TMEM161A: variants seen among roughly 807,000 people sequenced by gnomAD.
TMEM161A encodes the protein transmembrane protein 161A.
A neutral mutation model predicts 57.1 loss-of-function variants in TMEM161A; 46 were observed. That is an observed-to-expected ratio of 0.81 (90% CI 0.64 to 1.03). The LOEUF (loss-of-function observed/expected upper bound fraction) is 1.03, where lower values mean the gene tolerates loss of function less well. Among genes scored for constraint, TMEM161A ranks in the 50% least tolerant of loss-of-function variants. TMEM161A has a pLI of 0.00. For synonymous variants in TMEM161A, 288 were observed against 279.0 expected (o/e 1.03, Z -0.32); for missense variants, 601 against 621.5 (o/e 0.97, Z 0.35).
chr19:19,133,067 G>T, intron 3 of TMEM161A, 63 bp downstream of exon 3: 2 of 1,504,404 alleles, frequency 1.3e-6, no homozygotes, highest in Non-Finnish European at 1.8e-6. Context: ...CTGAGCAGGG[G>T]TGAGGCCGTT....
chr19:19,137,916 C>T (rs1010219181), intron 1 of TMEM161A, among the ~76,000 whole-genome samples: 2 of 152,188 alleles, frequency 1.3e-5, no homozygotes, highest in African/African-American at 2.4e-5. Flanking sequence ...GAGAACCTTG[C>T]CCGCCCTGAG....
rs538926608 is a variant in TMEM161A, at chr19:19,125,389, C to T, written c.596-3570G>A. Among the ~76,000 whole-genome samples the T allele has an allele frequency of 4.9e-4, 75 of 152,166 alleles. 1 individual carries two copies. The highest frequency in any genetic ancestry group is 1.6e-4 in the Non-Finnish European group (11 of 68,004). Reference sequence around the variant, plus strand: ...TTTTAAGATGGAGTCTTGCTCTTGTCGCCCAGGCTAGAGTGCAATGGCGTG... The same window carrying T: ...TTTTAAGATGGAGTCTTGCTCTTGTTGCCCAGGCTAGAGTGCAATGGCGTG... On this transcript the variant is annotated intron_variant, in intron 6 of 11. Coordinates refer to ENST00000162044, the MANE Select transcript of TMEM161A (RefSeq NM_017814.3).
At chr19:19,125,619 C>T (rs1452091168) in intron 6 of TMEM161A, among the ~76,000 whole-genome samples, 1 of 150,958 alleles carries the variant, frequency 6.6e-6, no homozygotes, top group Non-Finnish European at 1.5e-5. Flanking sequence ...CGGGTTCACG[C>T]CATTCTCCTG....
Position 19,121,327 on chromosome 19 carries a change from CA to C in TMEM161A, c.894del (p.Phe298LeufsTer32), listed in dbSNP as rs1568533222. The C allele has an allele frequency of 1.9e-6, 3 of 1,573,624 alleles. No individual in the cohort carries two copies. The highest frequency in any genetic ancestry group is 2.6e-6 in the Non-Finnish European group (3 of 1,159,994). On this transcript the variant is annotated frameshift_variant, in exon 9 of 12. Coordinates refer to ENST00000162044, the MANE Select transcript of TMEM161A (RefSeq NM_017814.3). LOFTEE classifies it high-confidence loss of function. This position sits in a 1 kb window ranked among gnomAD's most constrained non-coding sequence, Gnocchi z 5.8. ...ACGCACAGGGAGAAACGCGTCTCCC[CA>C]AACGGCGGCTGGTGCAGGAAGTCCC... ...IARDFLHQPP[F>X]GETRFSLLSD...
intron 6 of TMEM161A, among the ~76,000 whole-genome samples, chr19:19,128,228 CTTTTT>C (rs531458159): frequency 8.3e-6 from 1 of 120,764 alleles, no homozygotes; most frequent in Non-Finnish European, 1.7e-5. Context: ...TCTAAATAGA[CTTTTT>C]TTTTTTTTTT....
At position 19,132,363 on chromosome 19, in the gene TMEM161A, C is replaced by A; in HGVS notation, c.432G>T (p.Val144=). 6.2e-7 allele frequency: 1 copy of A among 1,612,900 alleles called. No homozygotes were observed. The highest frequency in any genetic ancestry group is 1.1e-5 in the South Asian group (1 of 90,910). ...GAGAGGAAGGATACATGGAGAAGGT[C>A]ACCGTGAGCAGGCACCAGAACACAG... is the stretch of plus-strand genomic sequence containing the variant. ...NIAVFWCLLT[V]TFSIKMFLTV... The change falls in exon 5 of 12, where the codon GTG becomes GTT. Residue 144 remains valine, a synonymous_variant. Coordinates refer to ENST00000162044, the MANE Select transcript of TMEM161A (RefSeq NM_017814.3). This position sits in a 1 kb window ranked among gnomAD's most constrained non-coding sequence, Gnocchi z 4.3.
In TMEM161A at chr19:19,121,473, G is replaced by A. The variant is rs2059910143; in HGVS notation, c.800+52C>T. ...AGGCCTGGGTACCCCCTCTCCTCGA[G>A]TCTCTCCCTTAAGCTCCCTAGTCCC... On this transcript the variant is annotated intron_variant, in intron 8 of 11. Transcript: ENST00000162044. The surrounding 1 kb of genome is among the most constrained non-coding windows in gnomAD (Gnocchi z 5.8). 1 of 1,613,572 alleles carries A rather than the reference G, an allele frequency of 6.2e-7. No individual in the cohort carries two copies. The highest frequency in any genetic ancestry group is 1.7e-5 in the Admixed American group (1 of 59,992).
In TMEM161A at chr19:19,132,947, A is replaced by C. The variant is rs563839157; in HGVS notation, c.188+183T>G. 6.5e-4 allele frequency: 460 copies of C among 709,598 alleles called. 5 individuals carry two copies. The South Asian group carries it at 8.6e-3, about 13-fold the overall frequency. 44.0% of individuals were successfully genotyped at this position (709,598 alleles called of 1,614,324 possible). A position where few individuals can be genotyped will look rare whatever the true frequency, so the allele number is the denominator to read the frequency against. On this transcript the variant is annotated intron_variant, in intron 3 of 11. Transcript: ENST00000162044. The surrounding 1 kb of genome is among the most constrained non-coding windows in gnomAD (Gnocchi z 4.3). ...AGCAAACTGCCAGGAAACAGATGCT[A>C]ACTTGACAGTGACCATCTCCTTGGA...
chr19:19,126,589 C>G (rs537736341), intron 6 of TMEM161A, among the ~76,000 whole-genome samples: 5 of 152,192 alleles, frequency 3.3e-5, no homozygotes, highest in African/African-American at 1.2e-4. Context: ...CTGGGTGTAG[C>G]CAGATGTGGT....
intron 6 of TMEM161A, among the ~76,000 whole-genome samples, chr19:19,125,420 G>A (rs1191326607): frequency 2.6e-5 from 4 of 151,862 alleles, no homozygotes; most frequent in South Asian, 4.2e-4. Context: ...GCGTGATTTC[G>A]GCTCACTGCA....
chr19:19,129,412 C>T (rs564901252), intron 6 of TMEM161A, among the ~76,000 whole-genome samples: 9 of 151,872 alleles, frequency 5.9e-5, no homozygotes, highest in South Asian at 2.1e-4. Context: ...AGTGTGGTGC[C>T]GGGCAGAGAA....
In TMEM161A at chr19:19,121,715, G is replaced by T; in HGVS notation, c.656+44C>A. On this transcript the variant is annotated intron_variant, in intron 7 of 11. Coordinates refer to ENST00000162044, the MANE Select transcript of TMEM161A (RefSeq NM_017814.3). This position sits in a 1 kb window ranked among gnomAD's most constrained non-coding sequence, Gnocchi z 5.8. Reference sequence around the variant, plus strand: ...AGCCTGCCTGGGGGACCCTGGGAGGGTCCCAGCCTGCCCTTGCCTCCCTCC... The same window carrying T: ...AGCCTGCCTGGGGGACCCTGGGAGGTTCCCAGCCTGCCCTTGCCTCCCTCC... The T allele has an allele frequency of 6.2e-7, 1 of 1,613,342 alleles. No homozygotes were observed. Among genetic ancestry groups the T allele is most frequent in the Non-Finnish European group, 8.5e-7 (1 of 1,179,500 alleles).
chr19:19,132,310 C>T lies in TMEM161A; in HGVS notation c.443+42G>A, dbSNP rs2059962683. 5.1e-6 allele frequency: 8 copies of T among 1,583,838 alleles called. No individual in the cohort carries two copies. Among genetic ancestry groups the T allele is most frequent in the Non-Finnish European group, 6.0e-6 (7 of 1,164,358 alleles). On this transcript the variant is annotated intron_variant, in intron 5 of 11. Coordinates refer to ENST00000162044, the MANE Select transcript of TMEM161A (RefSeq NM_017814.3). The surrounding 1 kb of genome is among the most constrained non-coding windows in gnomAD (Gnocchi z 4.3). ...GGGAGCCAGGGAAGCTCAGGTCCTG[C>T]TCCCACCCGCCCCACTGGCAGGGAG...
chr19:19,132,369 G>T lies in TMEM161A; in HGVS notation c.426C>A (p.Leu142=). ...AAGGATACATGGAGAAGGTCACCGT[G>T]AGCAGGCACCAGAACACAGCAATGT... ...ETNIAVFWCL[L]TVTFSIKMFL... The change falls in exon 5 of 12, where the codon CTC becomes CTA. Residue 142 remains leucine, a synonymous_variant. Transcript: ENST00000162044. This position sits in a 1 kb window ranked among gnomAD's most constrained non-coding sequence, Gnocchi z 4.3. 1 of 1,613,628 alleles carries T rather than the reference G, an allele frequency of 6.2e-7. No homozygotes were observed. The highest frequency in any genetic ancestry group is 1.1e-5 in the South Asian group (1 of 91,024).
intron 11 of TMEM161A, 62 bp from the exon 12 acceptor site, chr19:19,120,245 G>A: frequency 2.2e-6 from 3 of 1,385,430 alleles, no homozygotes; most frequent in Non-Finnish European, 2.9e-6. Context: ...GAGGGACAGG[G>A]CTGGCACGGG....
chr19:19,126,965 T>C (rs1432100827), intron 6 of TMEM161A, among the ~76,000 whole-genome samples: 1 of 88,150 alleles, frequency 1.1e-5, no homozygotes, highest in Non-Finnish European at 2.6e-5. Flanking sequence ...GAGAATCACT[T>C]GAATCCGGGA....
chr19:19,125,656 A>T (rs1328248662), intron 6 of TMEM161A, among the ~76,000 whole-genome samples: 3 of 151,598 alleles, frequency 2.0e-5, no homozygotes, highest in African/African-American at 7.3e-5. Flanking sequence ...AGCTGGGACT[A>T]CAGGCGCCTG....
At chr19:19,122,984 T>C (rs1196697862) in intron 6 of TMEM161A, among the ~76,000 whole-genome samples, 2 of 152,170 alleles carry the variant, frequency 1.3e-5, no homozygotes, top group African/African-American at 4.8e-5. Context: ...TTCCTTCAGA[T>C]GACTGGGTAG....
intron 2 of TMEM161A, among the ~76,000 whole-genome samples, chr19:19,133,952 G>A (rs1428576982): frequency 6.6e-6 from 1 of 151,840 alleles, no homozygotes; most frequent in Non-Finnish European, 1.5e-5. Context: ...AAAATATTTT[G>A]TAGAGACAGG....
Sources: allele counts gnomAD v4.1 joint callset (sites outside exome capture counted in the v4.1 genomes callset), GRCh38; gene constraint gnomAD v4.1.1; non-coding constraint Gnocchi (gnomAD v3.1); transcripts MANE v1.5; gene names NCBI Gene and HGNC (gene_info 2026-07-23, HGNC 2026-07-21).